UBE2E2: variants seen among roughly 807,000 people sequenced by gnomAD.
UBE2E2 encodes ubiquitin-conjugating enzyme E2 E2.
Under a neutral mutation model 24.7 loss-of-function variants are expected in UBE2E2, and 6 were observed. The observed-to-expected ratio is 0.24, with a 90% CI of 0.13 to 0.48. The LOEUF (loss-of-function observed/expected upper bound fraction) is 0.48. UBE2E2 is among the 20% of genes least tolerant of loss of function. The pLI is 0.99. For synonymous variants in UBE2E2, 104 were observed against 83.6 expected, an observed-to-expected ratio of 1.24 and a Z score of -1.33; for missense variants, 169 against 245.0, an observed-to-expected ratio of 0.69 and a Z score of 2.07.
At chr3:23,534,328 A>C (rs186563874) in intron 5 of UBE2E2, 2 of 774,398 alleles carry the variant, frequency 2.6e-6, no homozygotes, top group African/African-American at 3.8e-5. Flanking sequence ...TCAGTGAACT[A>C]GTTTTTTTTT....
chr3:23,380,422 T>A (rs562433856), intron 3 of UBE2E2, among the ~76,000 whole-genome samples: 1 of 152,262 alleles, frequency 6.6e-6, no homozygotes, highest in South Asian at 2.1e-4. Context: ...GACTAGGTTT[T>A]GCTATGTTGC....
chr3:23,311,078 G>T (rs35869522), intron 3 of UBE2E2, among the ~76,000 whole-genome samples: 11 of 152,066 alleles, frequency 7.2e-5, no homozygotes, highest in Non-Finnish European at 1.3e-4. Flanking sequence ...TCATTGTTCA[G>T]TTCCCACCTA....
chr3:23,300,184 C>G (rs201482031), intron 3 of UBE2E2, among the ~76,000 whole-genome samples: 1 of 152,018 alleles, frequency 6.6e-6, no homozygotes. Flanking sequence ...TGTCTCTGCA[C>G]GTGAGATGGG....
chr3:23,382,244 C>T (rs1696690556), intron 3 of UBE2E2, among the ~76,000 whole-genome samples: 1 of 133,228 alleles, frequency 7.5e-6, no homozygotes, highest in South Asian at 2.3e-4. Flanking sequence ...TGCAGTGGCG[C>T]AATCTCGGCT....
rs77965417 is a variant in UBE2E2, at chr3:23,534,878, C to T, written c.508+2177C>T. 3.9e-4 allele frequency among the ~76,000 whole-genome samples: 60 copies of T among 152,216 alleles called. 1 individual carries two copies. The East Asian group carries it at 0.01, about 26-fold the overall frequency. ...CTATTTTAACCCGGAAATGCTGTCA[C>T]CTCAAAAATAGGCCTTGTATAATGA... On this transcript the variant is annotated intron_variant, in intron 5 of 5. Transcript: ENST00000396703.
intron 4 of UBE2E2, among the ~76,000 whole-genome samples, chr3:23,519,273 C>T (rs756809307): frequency 1.6e-4 from 24 of 151,280 alleles, no homozygotes; most frequent in Non-Finnish European, 2.9e-4. Flanking sequence ...TATTTTATTC[C>T]TTTATAACAA....
rs534544923 is a variant in UBE2E2, at chr3:23,458,510, C to T, written c.228-41098C>T. ...TCAGCTCACTGCAAGCTCCGCCTGC[C>T]GGGTTCACACCATGCTCCTGCCTCA... On this transcript the variant is annotated intron_variant, in intron 3 of 5. Coordinates refer to ENST00000396703, the MANE Select transcript of UBE2E2 (RefSeq NM_152653.4). 2.5e-3 allele frequency among the ~76,000 whole-genome samples: 386 copies of T among 151,962 alleles called. 2 individuals are homozygous for T. Among genetic ancestry groups the T allele is most frequent in the African/African-American group, 8.9e-3 (368 of 41,426 alleles).
At chr3:23,444,594 A>G (rs1469403152) in intron 3 of UBE2E2, among the ~76,000 whole-genome samples, 2 of 152,202 alleles carry the variant, frequency 1.3e-5, no homozygotes, top group Non-Finnish European at 2.9e-5. Flanking sequence ...ATAACACAGC[A>G]CCCTGTAATG....
At chr3:23,408,236 G>C (rs1697413228) in intron 3 of UBE2E2, among the ~76,000 whole-genome samples, 1 of 152,068 alleles carries the variant, frequency 6.6e-6, no homozygotes, top group Non-Finnish European at 1.5e-5. Flanking sequence ...TCAAGATAAA[G>C]TTGTTAGTCT....
At chr3:23,319,832 A>G (rs1008542019) in intron 3 of UBE2E2, among the ~76,000 whole-genome samples, 1 of 151,706 alleles carries the variant, frequency 6.6e-6, no homozygotes, top group African/African-American at 2.4e-5. Flanking sequence ...AGAACAACAA[A>G]AAACAAAAAA....
intron 3 of UBE2E2, among the ~76,000 whole-genome samples, chr3:23,447,650 T>A (rs1209147152): frequency 6.6e-6 from 1 of 152,216 alleles, no homozygotes. Context: ...GTTTTAGTAA[T>A]TCTTTTTTTG....
chr3:23,391,083 A>G (rs747765045), intron 3 of UBE2E2, among the ~76,000 whole-genome samples: 4 of 152,184 alleles, frequency 2.6e-5, no homozygotes, highest in Admixed American at 6.5e-5. Flanking sequence ...AAATAATTCT[A>G]TGTGGTTAGG....
At chr3:23,556,975 A>C (rs933864826) in intron 5 of UBE2E2, among the ~76,000 whole-genome samples, 1 of 152,186 alleles carries the variant, frequency 6.6e-6, no homozygotes, top group Admixed American at 6.5e-5. Flanking sequence ...TGATCTAAAC[A>C]ATTGCCAAGT....
intron 4 of UBE2E2, among the ~76,000 whole-genome samples, chr3:23,503,769 A>T (rs1211812878): frequency 6.6e-6 from 1 of 152,004 alleles, no homozygotes; most frequent in Admixed American, 6.6e-5. Context: ...CATGAGAATT[A>T]CTTGAACCCA....
At chr3:23,587,476 C>T (rs1696651380) in intron 5 of UBE2E2, among the ~76,000 whole-genome samples, 1 of 152,188 alleles carries the variant, frequency 6.6e-6, no homozygotes, top group South Asian at 2.1e-4. Context: ...TAGAATGGAT[C>T]TTCAATGTGT....
chr3:23,559,306 C>CA (rs754384570), intron 5 of UBE2E2, among the ~76,000 whole-genome samples: 14 of 152,106 alleles, frequency 9.2e-5, no homozygotes, highest in Non-Finnish European at 2.1e-4. Context: ...CAAGCAATCT[C>CA]AAAGTGTCAC....
chr3:23,307,873 A>G (rs541968759), intron 3 of UBE2E2, among the ~76,000 whole-genome samples: 3 of 152,320 alleles, frequency 2.0e-5, no homozygotes, highest in Admixed American at 1.3e-4. Context: ...TTAATGCCCT[A>G]CAATGTAAGC....
chr3:23,287,619 G>C (rs1305137218), intron 3 of UBE2E2, among the ~76,000 whole-genome samples: 1 of 152,118 alleles, frequency 6.6e-6, no homozygotes, highest in Non-Finnish European at 1.5e-5. Context: ...GTCTGTTCAG[G>C]TTTTGGATTT....
In UBE2E2 at chr3:23,335,065, G is replaced by T. The variant is rs1409659755; in HGVS notation, c.227+117753G>T. Among the ~76,000 whole-genome samples, 5 of 152,184 alleles carry T rather than the reference G, an allele frequency of 3.3e-5. No individual in the cohort carries two copies. In the East Asian group the frequency reaches 9.6e-4, roughly 29 times the overall value. ...AATGAGTACCATTCCTAAATAAAAT[G>T]ATTTATTTTCCAGTTGTATAGATTT... is the stretch of plus-strand genomic sequence containing the variant. On this transcript the variant is annotated intron_variant, in intron 3 of 5. Transcript: ENST00000396703.
Sources: gnomAD v4.1 joint callset for allele counts (sites outside exome capture counted in the v4.1 genomes callset) on GRCh38, gnomAD v4.1.1 for gene constraint, MANE v1.5 for transcripts, NCBI Gene and HGNC (gene_info 2026-07-23, HGNC 2026-07-21) for gene names.